Variants in ERC2 observed in about 807,000 individuals in gnomAD.
The protein encoded by ERC2 is ERC protein 2.
In ERC2, 42 loss-of-function variants were observed where a neutral mutation model predicts 114.8. The ratio of observed to expected loss-of-function variants is 0.37; its 90% CI spans 0.29 to 0.47. The LOEUF is 0.47. Ranked by LOEUF, ERC2 falls within the 20% of genes least tolerant of loss-of-function variation. The pLI is 0.99. For synonymous variants in ERC2, 454 were observed against 425.5 expected (o/e 1.07, Z -0.82); for missense variants, 939 against 1,150.7 (o/e 0.82, Z 2.66).
chr3:56,061,573 A>C (rs2076247243), intron 7 of ERC2, among the ~76,000 whole-genome samples: 1 of 152,264 alleles, frequency 6.6e-6, no homozygotes, highest in African/African-American at 2.4e-5. Context: ...TTTAGCTTAA[A>C]ATTCTAAATA....
intron 7 of ERC2, among the ~76,000 whole-genome samples, chr3:56,049,220 G>C (rs12637898): frequency 0.32 from 48,111 of 152,056 alleles, 8,795 homozygotes; most frequent in East Asian, 0.55. Context: ...GCTGGCTGCT[G>C]GGGGTGAGCG....
intron 13 of ERC2, among the ~76,000 whole-genome samples, chr3:55,949,433 A>G (rs1249836333): frequency 2.0e-5 from 3 of 152,042 alleles, no homozygotes; most frequent in African/African-American, 7.2e-5. Context: ...AACACTCCAA[A>G]TCAAGCATCA....
intron 1 of ERC2, among the ~76,000 whole-genome samples, chr3:56,448,990 G>T: frequency 6.6e-6 from 1 of 151,230 alleles, no homozygotes; most frequent in Non-Finnish European, 1.5e-5. Context: ...CAGGAGAATG[G>T]CGTGAACCCA....
intron 3 of ERC2, among the ~76,000 whole-genome samples, chr3:56,248,201 C>T (rs536635142): frequency 2.4e-4 from 37 of 152,232 alleles, no homozygotes; most frequent in African/African-American, 8.7e-4. Flanking sequence ...GAGATCCTCC[C>T]ACCTCCTCAG....
intron 7 of ERC2, among the ~76,000 whole-genome samples, chr3:56,045,021 A>C (rs1475561765): frequency 2.0e-5 from 3 of 152,192 alleles, no homozygotes; most frequent in Non-Finnish European, 4.4e-5. Flanking sequence ...AAACCACCAA[A>C]GCAATAGTTC....
chr3:56,301,550 A>G (rs1347224645), intron 2 of ERC2, among the ~76,000 whole-genome samples: 3 of 152,018 alleles, frequency 2.0e-5, no homozygotes, highest in Admixed American at 6.6e-5. Flanking sequence ...TCTACTTTTT[A>G]GCAATTCAAC....
At chr3:55,949,140 C>T (rs1403974320) in intron 13 of ERC2, among the ~76,000 whole-genome samples, 2 of 151,922 alleles carry the variant, frequency 1.3e-5, no homozygotes, top group African/African-American at 4.8e-5. Context: ...GAGGCCGAGG[C>T]GGGCGGATCA....
chr3:55,593,190 TG>T (rs1408512436), intron 17 of ERC2, among the ~76,000 whole-genome samples: 2 of 152,276 alleles, frequency 1.3e-5, no homozygotes, highest in African/African-American at 4.8e-5. Context: ...AATGTTAGGG[TG>T]GGAGAAGACA....
chr3:56,360,729 G>A (rs1264408980), intron 2 of ERC2, among the ~76,000 whole-genome samples: 1 of 152,060 alleles, frequency 6.6e-6, no homozygotes, highest in East Asian at 1.9e-4. Flanking sequence ...CCAACATGGT[G>A]AAACCCCATA....
chr3:56,286,265 TA>T (rs1398339825), intron 3 of ERC2, among the ~76,000 whole-genome samples: 2 of 151,834 alleles, frequency 1.3e-5, no homozygotes, highest in African/African-American at 4.8e-5. Flanking sequence ...AATACAAAAT[TA>T]GCCGGAATGT....
intron 3 of ERC2, among the ~76,000 whole-genome samples, chr3:56,287,391 C>T (rs1259285940): frequency 2.6e-5 from 4 of 152,198 alleles, no homozygotes; most frequent in Admixed American, 6.5e-5. Context: ...TCTCTGCTCA[C>T]AAAAATTCAC....
chr3:56,035,984 TCAA>T (rs2074771382), intron 7 of ERC2, among the ~76,000 whole-genome samples: 1 of 151,676 alleles, frequency 6.6e-6, no homozygotes, highest in African/African-American at 2.4e-5. Context: ...CAAACAGAAC[TCAA>T]CAACATATCA....
intron 17 of ERC2, among the ~76,000 whole-genome samples, chr3:55,532,171 A>G (rs1049127948): frequency 6.6e-6 from 1 of 152,218 alleles, no homozygotes; most frequent in Admixed American, 6.5e-5. Context: ...CCCTGCATGA[A>G]TGGGAAGACC....
chr3:55,839,232 A>G (rs2061026728), intron 14 of ERC2, among the ~76,000 whole-genome samples: 1 of 151,892 alleles, frequency 6.6e-6, no homozygotes, highest in Non-Finnish European at 1.5e-5. Flanking sequence ...TACTCTTACT[A>G]CAAAAAATTA....
intron 14 of ERC2, among the ~76,000 whole-genome samples, chr3:55,736,738 TA>T (rs937308542): frequency 2.0e-5 from 3 of 152,058 alleles, no homozygotes; most frequent in African/African-American, 7.2e-5. Context: ...TCCTCTCATT[TA>T]AAAAAAATTA....
intron 14 of ERC2, among the ~76,000 whole-genome samples, chr3:55,814,483 T>C (rs1211873383): frequency 6.6e-6 from 1 of 152,206 alleles, no homozygotes; most frequent in African/African-American, 2.4e-5. Flanking sequence ...TTTTTACATT[T>C]TGAAGTATGA....
intron 2 of ERC2, among the ~76,000 whole-genome samples, chr3:56,365,119 A>G (rs535858825): frequency 2.0e-5 from 3 of 152,344 alleles, no homozygotes; most frequent in South Asian, 4.1e-4. Flanking sequence ...TGTTTCATCA[A>G]TGATTGGCGG....
At chr3:55,609,782 G>A (rs1053605644) in intron 17 of ERC2, among the ~76,000 whole-genome samples, 4 of 152,026 alleles carry the variant, frequency 2.6e-5, no homozygotes, top group Non-Finnish European at 5.9e-5. Flanking sequence ...ACTTTAATCT[G>A]CAAAATGATT....
At chr3:56,088,200 C>CAATCCT (rs1402393859) in intron 6 of ERC2, among the ~76,000 whole-genome samples, 1 of 152,146 alleles carries the variant, frequency 6.6e-6, no homozygotes, top group African/African-American at 2.4e-5. Context: ...TCTGGATCCT[C>CAATCCT]AAGTGACTGT....
Sources: gnomAD v4.1 joint callset for allele counts (sites outside exome capture counted in the v4.1 genomes callset) on GRCh38, gnomAD v4.1.1 for gene constraint, MANE v1.5 for transcripts, NCBI Gene and HGNC (gene_info 2026-07-23, HGNC 2026-07-21) for gene names.